KCNK13: variants seen among roughly 807,000 people sequenced by gnomAD.
KCNK13 encodes the protein potassium two pore domain channel subfamily K member 13.
A neutral mutation model predicts 23.4 loss-of-function variants in KCNK13; 12 were observed. The ratio of observed to expected loss-of-function variants is 0.51; its 90% CI spans 0.33 to 0.83. KCNK13 has a LOEUF of 0.83. Ranked by LOEUF, KCNK13 falls within the 40% of genes least tolerant of loss-of-function variation. KCNK13 has a pLI of 0.02. For synonymous variants in KCNK13, 231 were observed against 229.5 expected (o/e 1.01, Z -0.06); for missense variants, 463 against 556.3 (o/e 0.83, Z 1.69).
chr14:90,092,934 A>G (rs1050045596), intron 1 of KCNK13, among the ~76,000 whole-genome samples: 1 of 140,904 alleles, frequency 7.1e-6, no homozygotes, highest in Non-Finnish European at 1.6e-5. Context: ...AAAAAAAAAA[A>G]GCATCACGAT....
At position 90,146,766 on chromosome 14, in the gene KCNK13, C is replaced by A. The variant is rs534720902; in HGVS notation, c.335-37345C>A. On this transcript the variant is annotated intron_variant, in intron 1 of 1. Transcript: ENST00000282146. ...CAAATTTGGTGTTCAAAGGTTTACACTTAATATGTTTATTGGTATGATTGT... is the reference window on the plus strand; with the variant it reads ...CAAATTTGGTGTTCAAAGGTTTACAATTAATATGTTTATTGGTATGATTGT... Among the ~76,000 whole-genome samples the A allele has an allele frequency of 5.3e-5, 8 of 152,092 alleles. No individual in the cohort carries two copies. In the South Asian group the frequency reaches 1.7e-3, roughly 32 times the overall value.
At chr14:90,093,570 C>T (rs760438955) in intron 1 of KCNK13, among the ~76,000 whole-genome samples, 3 of 152,088 alleles carry the variant, frequency 2.0e-5, no homozygotes, top group African/African-American at 7.2e-5. Context: ...CTGGTCCTCC[C>T]CAGCGTGCCC....
chr14:90,129,368 T>C (rs763470431), intron 1 of KCNK13, among the ~76,000 whole-genome samples: 5 of 152,134 alleles, frequency 3.3e-5, no homozygotes, highest in Admixed American at 1.3e-4. Context: ...CCTGGTGCAA[T>C]TGTTCACAAG....
intron 1 of KCNK13, among the ~76,000 whole-genome samples, chr14:90,124,712 A>G (rs1218352379): frequency 1.3e-5 from 2 of 152,260 alleles, no homozygotes; most frequent in East Asian, 1.9e-4. Context: ...GCTTGGTTTT[A>G]GCTTGCTGAG....
At chr14:90,081,324 G>C (rs181413417) in intron 1 of KCNK13, among the ~76,000 whole-genome samples, 420 of 152,198 alleles carry the variant, frequency 2.8e-3, no homozygotes, top group Non-Finnish European at 4.9e-3. Context: ...TATGCATTTG[G>C]ATGCATTTTC....
intron 1 of KCNK13, among the ~76,000 whole-genome samples, chr14:90,171,331 A>G (rs1396679371): frequency 3.3e-5 from 5 of 152,184 alleles, no homozygotes; most frequent in Non-Finnish European, 5.9e-5. Context: ...CTTCTTGGTA[A>G]TTTTCCAGTG....
In KCNK13 at chr14:90,173,718, A is replaced by G. The variant is rs972873097; in HGVS notation, c.335-10393A>G. Among the ~76,000 whole-genome samples the G allele has an allele frequency of 7.9e-5, 12 of 152,324 alleles. No individual in the cohort carries two copies. In the East Asian group the frequency reaches 1.9e-3, roughly 25 times the overall value. On this transcript the variant is annotated intron_variant, in intron 1 of 1. Transcript: ENST00000282146. ...AAAATTTCAGGAAAGTAGAGGTTAC[A>G]AGCAGAATTGTAAGTCAATACATGA...
chr14:90,072,206 A>C (rs544057181), intron 1 of KCNK13, among the ~76,000 whole-genome samples: 1 of 152,202 alleles, frequency 6.6e-6, no homozygotes, highest in African/African-American at 2.4e-5. Context: ...TTGGCCAGAG[A>C]GTCATCCTTA....
At chr14:90,127,096 A>G (rs758123427) in intron 1 of KCNK13, among the ~76,000 whole-genome samples, 1 of 152,170 alleles carries the variant, frequency 6.6e-6, no homozygotes, top group African/African-American at 2.4e-5. Flanking sequence ...TAATATATCA[A>G]TGTTAATTAG....
intron 1 of KCNK13, among the ~76,000 whole-genome samples, chr14:90,154,032 T>C (rs926056519): frequency 3.3e-5 from 5 of 152,212 alleles, no homozygotes; most frequent in Admixed American, 3.3e-4. Context: ...GCATCTCTGA[T>C]TGGCCCTATG....
rs1890529537 is a variant in KCNK13 at position 90,184,762 on chromosome 14, C to G, written c.986C>G (p.Thr329Arg). ...VRNRCNISIE[T>R]DGVAESDTDG... ...AACCGCTGCAACATCTCCATAGAGA[C>G]AGACGGGGTGGCAGAGAGTGACACG... Residue 329 changes from threonine to arginine, a missense_variant, in exon 2 of 2, where the codon ACA becomes AGA. Physicochemically the swap from Thr to Arg is moderately conservative, Grantham distance 71. Transcript: ENST00000282146. The surrounding 1 kb of genome is among the most constrained non-coding windows in gnomAD (Gnocchi z 5.6). 3 of 1,613,662 alleles carry G rather than the reference C, an allele frequency of 1.9e-6. No individual in the cohort carries two copies. The highest frequency in any genetic ancestry group is 1.1e-5 in the South Asian group (1 of 91,088).
At chr14:90,119,812 C>G (rs1188828895) in intron 1 of KCNK13, among the ~76,000 whole-genome samples, 2 of 152,164 alleles carry the variant, frequency 1.3e-5, no homozygotes, top group African/African-American at 4.8e-5. Flanking sequence ...GTTGGCCAGG[C>G]TGGTCTTGAA....
chr14:90,119,536 A>G (rs1356828287), intron 1 of KCNK13, among the ~76,000 whole-genome samples: 1 of 152,318 alleles, frequency 6.6e-6, no homozygotes, highest in East Asian at 1.9e-4. Context: ...TAGTTACTAG[A>G]AAAATGCAAA....
At chr14:90,146,588 T>G (rs77656567) in intron 1 of KCNK13, among the ~76,000 whole-genome samples, 9,885 of 152,248 alleles carry the variant, frequency 0.065, 415 homozygotes, top group South Asian at 0.21. Flanking sequence ...AGTACTAGGA[T>G]TACAGGCATG....
At chr14:90,103,591 G>A (rs1383510680) in intron 1 of KCNK13, among the ~76,000 whole-genome samples, 1 of 152,088 alleles carries the variant, frequency 6.6e-6, no homozygotes, top group Non-Finnish European at 1.5e-5. Context: ...TTGGGGGACG[G>A]AGTTTCGCTC....
chr14:90,094,636 CT>C (rs1372119492), intron 1 of KCNK13, among the ~76,000 whole-genome samples: 2 of 132,252 alleles, frequency 1.5e-5, no homozygotes, highest in East Asian at 2.2e-4. Flanking sequence ...AGGGACTTTT[CT>C]TTTTTTTCTT....
chr14:90,170,329 T>G (rs1358480946), intron 1 of KCNK13, among the ~76,000 whole-genome samples: 1 of 152,138 alleles, frequency 6.6e-6, no homozygotes, highest in African/African-American at 2.4e-5. Context: ...TTCTCCTGCC[T>G]CAGCCTCCCA....
chr14:90,065,041 G>A (rs1199548300), intron 1 of KCNK13, among the ~76,000 whole-genome samples: 2 of 152,152 alleles, frequency 1.3e-5, no homozygotes, highest in African/African-American at 4.8e-5. Flanking sequence ...AAAAAATCAA[G>A]TTATATGCAG....
chr14:90,152,194 A>G (rs1442667889), intron 1 of KCNK13, among the ~76,000 whole-genome samples: 1 of 152,178 alleles, frequency 6.6e-6, no homozygotes, highest in Non-Finnish European at 1.5e-5. Flanking sequence ...TGATGGTTTT[A>G]TAAAGGGCAG....
Sources: allele counts gnomAD v4.1 joint callset (sites outside exome capture counted in the v4.1 genomes callset), GRCh38; gene constraint gnomAD v4.1.1; non-coding constraint Gnocchi (gnomAD v3.1); transcripts MANE v1.5; gene names NCBI Gene and HGNC (gene_info 2026-07-23, HGNC 2026-07-21).